Variants in NTM observed in about 807,000 individuals in gnomAD.
NTM encodes the protein neurotrimin.
In NTM, 13 loss-of-function variants were observed where a neutral mutation model predicts 42.1. The ratio of observed to expected loss-of-function variants is 0.31; its 90% CI spans 0.20 to 0.49. The LOEUF (loss-of-function observed/expected upper bound fraction) is 0.49, where lower values mean the gene tolerates loss of function less well. NTM is among the 20% of genes least tolerant of loss of function. The pLI, the probability that NTM is intolerant of heterozygous loss-of-function variation, is 0.99. For synonymous variants in NTM, 187 were observed against 179.2 expected (o/e 1.04, Z -0.35); for missense variants, 373 against 452.8 (o/e 0.82, Z 1.60).
intron 1 of NTM, among the ~76,000 whole-genome samples, chr11:131,675,269 C>A (rs1225610976): frequency 6.6e-6 from 1 of 152,208 alleles, no homozygotes; most frequent in Non-Finnish European, 1.5e-5. Flanking sequence ...TGTCGACTGG[C>A]TTTCTTGGCT....
intron 1 of NTM, among the ~76,000 whole-genome samples, chr11:131,449,561 G>A (rs757625638): frequency 4.6e-5 from 7 of 152,188 alleles, no homozygotes; most frequent in Middle Eastern, 3.2e-3. Flanking sequence ...TGTGATGGCT[G>A]CACAGCCAGA....
chr11:132,191,957 CA>C (rs1436295596), intron 3 of NTM, among the ~76,000 whole-genome samples: 10 of 151,904 alleles, frequency 6.6e-5, no homozygotes, highest in African/African-American at 1.7e-4. Flanking sequence ...TAAATGCAGG[CA>C]AAAAAATTTT....
intron 2 of NTM, among the ~76,000 whole-genome samples, chr11:132,068,784 G>A (rs1435137215): frequency 1.3e-5 from 2 of 152,194 alleles, no homozygotes; most frequent in African/African-American, 4.8e-5. Flanking sequence ...CAGGCCATCA[G>A]GAATGGCAGC....
At chr11:132,215,950 T>C (rs553256449) in intron 4 of NTM, among the ~76,000 whole-genome samples, 2 of 152,292 alleles carry the variant, frequency 1.3e-5, no homozygotes, top group East Asian at 3.9e-4. Flanking sequence ...TAGCATAGGG[T>C]ACTAGGTGCA....
At chr11:132,112,556 T>G (rs2063348530) in intron 2 of NTM, among the ~76,000 whole-genome samples, 2 of 152,124 alleles carry the variant, frequency 1.3e-5, no homozygotes, top group Non-Finnish European at 2.9e-5. Context: ...GGGTGTGTAC[T>G]GCCAAGTACT....
At chr11:132,123,454 G>A (rs989454907) in intron 2 of NTM, among the ~76,000 whole-genome samples, 6 of 152,180 alleles carry the variant, frequency 3.9e-5, no homozygotes, top group African/African-American at 1.4e-4. Context: ...TAATAACAGT[G>A]TCAGTTATGG....
chr11:132,263,660 C>A (rs909097361), intron 4 of NTM, among the ~76,000 whole-genome samples: 1 of 152,002 alleles, frequency 6.6e-6, no homozygotes, highest in Non-Finnish European at 1.5e-5. Context: ...TTATTATTAG[C>A]AGTCAAGAGG....
At chr11:132,035,486 G>T (rs1327958484) in intron 2 of NTM, among the ~76,000 whole-genome samples, 1 of 152,192 alleles carries the variant, frequency 6.6e-6, no homozygotes, top group East Asian at 1.9e-4. Flanking sequence ...CTGCATAATG[G>T]TCCCAGAGAT....
intron 7 of NTM, among the ~76,000 whole-genome samples, chr11:132,327,461 A>G (rs2095707963): frequency 6.6e-6 from 1 of 152,244 alleles, no homozygotes; most frequent in Admixed American, 6.5e-5. Flanking sequence ...AAGACAGTTA[A>G]TTAGGCCAAG....
chr11:131,461,153 A>G (rs1230876155), intron 1 of NTM, among the ~76,000 whole-genome samples: 1 of 152,346 alleles, frequency 6.6e-6, no homozygotes, highest in South Asian at 2.1e-4. Context: ...ATTGCCTGTG[A>G]ACCAGAATCT....
At chr11:131,438,921 T>C (rs940718833) in intron 1 of NTM, among the ~76,000 whole-genome samples, 4 of 152,230 alleles carry the variant, frequency 2.6e-5, no homozygotes, top group Non-Finnish European at 5.9e-5. Flanking sequence ...CTTTGTGGTC[T>C]TTATCTACCT....
chr11:131,968,902 A>G (rs924253114), intron 2 of NTM, among the ~76,000 whole-genome samples: 1 of 152,138 alleles, frequency 6.6e-6, no homozygotes, highest in Non-Finnish European at 1.5e-5. Context: ...GGCCAACTGA[A>G]AGCCAGTGGT....
chr11:131,389,529 C>T (rs1413609138), intron 1 of NTM, among the ~76,000 whole-genome samples: 2 of 152,208 alleles, frequency 1.3e-5, no homozygotes, highest in Non-Finnish European at 2.9e-5. Context: ...TCCACCCAGG[C>T]TTCTAGAGCC....
intron 4 of NTM, among the ~76,000 whole-genome samples, chr11:132,287,800 T>G (rs2094304224): frequency 6.6e-6 from 1 of 152,206 alleles, no homozygotes; most frequent in Non-Finnish European, 1.5e-5. Context: ...TTACATTGCA[T>G]GAGCTTACAA....
intron 1 of NTM, among the ~76,000 whole-genome samples, chr11:131,786,098 G>A (rs1353977516): frequency 1.3e-5 from 2 of 152,160 alleles, no homozygotes; most frequent in Non-Finnish European, 2.9e-5. Flanking sequence ...TTTCTTCGGG[G>A]AAGAGATTTC....
intron 2 of NTM, among the ~76,000 whole-genome samples, chr11:132,019,969 G>T (rs965669408): frequency 6.6e-6 from 1 of 151,826 alleles, no homozygotes; most frequent in African/African-American, 2.4e-5. Flanking sequence ...TACCTGACAG[G>T]TAGTTATTCA....
Position 131,554,739 on chromosome 11 carries a change from G to T in NTM, c.82+183851G>T, listed in dbSNP as rs148154934. ...TTTGAGGTATATCAAAAGTAATTAG[G>T]TTGCAACAATGTTTTTTGAAATCAC... is the stretch of plus-strand genomic sequence containing the variant. On this transcript the variant is annotated intron_variant, in intron 1 of 8. Transcript: ENST00000683400. Among the ~76,000 whole-genome samples, 152 of 152,172 alleles carry T rather than the reference G, an allele frequency of 1.0e-3. 1 individual carries two copies. The highest frequency in any genetic ancestry group is 3.4e-3 in the African/African-American group (143 of 41,528).
chr11:131,450,258 C>T (rs1474580248), intron 1 of NTM, among the ~76,000 whole-genome samples: 1 of 152,170 alleles, frequency 6.6e-6, no homozygotes, highest in Non-Finnish European at 1.5e-5. Flanking sequence ...GCTATTCATC[C>T]AGTAGATGAG....
At chr11:131,808,977 T>G (rs1015252504) in intron 1 of NTM, among the ~76,000 whole-genome samples, 2 of 152,200 alleles carry the variant, frequency 1.3e-5, no homozygotes, top group African/African-American at 2.4e-5. Flanking sequence ...TACCTAGCAA[T>G]GCTAATGTGA....
Sources: allele counts gnomAD v4.1 joint callset (sites outside exome capture counted in the v4.1 genomes callset), GRCh38; gene constraint gnomAD v4.1.1; transcripts MANE v1.5; gene names NCBI Gene and HGNC (gene_info 2026-07-23, HGNC 2026-07-21).